The following PCTP variants were observed in gnomAD, a reference collection of about 807,000 sequenced individuals.
PCTP encodes the protein START domain-containing protein 2.
In PCTP, 27 loss-of-function variants were observed where a neutral mutation model predicts 31.0. The observed-to-expected ratio is 0.87, with a 90% confidence interval of 0.64 to 1.20. The LOEUF (loss-of-function observed/expected upper bound fraction) is 1.20. Among genes scored for constraint, PCTP ranks in the 50% most tolerant of loss-of-function variants. The probability of loss-of-function intolerance (pLI) is 0.00; values close to 1 mark genes in which losing one functional copy is unlikely to be tolerated. For synonymous variants in PCTP, 108 were observed against 101.2 expected (o/e 1.07, Z -0.40); for missense variants, 287 against 268.2 (o/e 1.07, Z -0.49).
Position 55,774,850 on chromosome 17 carries a change from G to T in PCTP, c.570G>T (p.Trp190Cys). ...AAATTCCGTCCTGGCTCATTAACTGGGCCGCCAAGGTGAGATCCCAGGAGG... is the reference window on the plus strand; with the variant it reads ...AAATTCCGTCCTGGCTCATTAACTGTGCCGCCAAGGTGAGATCCCAGGAGG... ...GGQIPSWLIN[W>C]AAKNGVPNFL... Residue 190 changes from tryptophan (W) to cysteine (C), a missense_variant, in exon 5 of 6, where the codon TGG (tryptophan) becomes TGT (cysteine). Transcript: ENST00000268896. The T allele has an allele frequency of 7.3e-7, 1 of 1,362,774 alleles. No individual in the cohort carries two copies. The highest frequency in any genetic ancestry group is 1.5e-5 in the African/African-American group (1 of 66,488). 84.4% of individuals were successfully genotyped at this position (1,362,774 alleles called of 1,614,324 possible).
chr17:55,777,494 T>G, downstream of PCTP: 1 of 793,502 alleles, frequency 1.3e-6, no homozygotes, highest in South Asian at 5.7e-5. Flanking sequence ...AAAACATAAT[T>G]TTGGGCTTAC....
At chr17:55,751,275 G>A (rs1427884523) in intron 1 of PCTP, 31 bp downstream of exon 1, 7 of 1,526,104 alleles carry the variant, frequency 4.6e-6, no homozygotes. Context: ...GGACCGCGGG[G>A]CCTAGAATGC....
chr17:55,817,917 A>G (rs1912981624), intron 3 of PCTP, among the ~76,000 whole-genome samples: 1 of 152,220 alleles, frequency 6.6e-6, no homozygotes, highest in African/African-American at 2.4e-5. Flanking sequence ...CCTAGGGGTT[A>G]CAGAGGAAAA....
At chr17:55,751,322 C>T in intron 1 of PCTP, 78 bp downstream of exon 1, 1 of 1,514,450 alleles carries the variant, frequency 6.6e-7, no homozygotes, top group East Asian at 2.5e-5. Flanking sequence ...TGCGGGGCGG[C>T]AGTCGCGGAA....
At chr17:55,818,262 A>G (rs12944648) in intron 3 of PCTP, among the ~76,000 whole-genome samples, 21,316 of 152,184 alleles carry the variant, frequency 0.14, 1,566 homozygotes, top group Middle Eastern at 0.19. Context: ...TTTTTGAAAG[A>G]TGAGGTCAGA....
downstream of PCTP, among the ~76,000 whole-genome samples, chr17:55,781,872 C>A (rs549142550): frequency 2.6e-4 from 39 of 152,208 alleles, no homozygotes; most frequent in Non-Finnish European, 5.0e-4. Context: ...AATCACCTGA[C>A]ACATTTCTCA....
intron 3 of PCTP, among the ~76,000 whole-genome samples, chr17:55,822,552 T>C (rs1913149369): frequency 6.6e-6 from 1 of 152,128 alleles, no homozygotes; most frequent in Admixed American, 6.5e-5. Context: ...TCTTGCAGGG[T>C]TTTTGAGAAA....
intron 3 of PCTP, among the ~76,000 whole-genome samples, chr17:55,802,256 G>A (rs1381580264): frequency 6.6e-6 from 1 of 152,160 alleles, no homozygotes; most frequent in East Asian, 1.9e-4. Flanking sequence ...CTCAGGACCA[G>A]ATGGATTAAC....
At chr17:55,751,431 C>T (rs570652871) in intron 1 of PCTP, 187 bp downstream of exon 1, 281 of 1,533,936 alleles carry the variant, frequency 1.8e-4, no homozygotes, top group Non-Finnish European at 2.3e-4. Flanking sequence ...CAAGTGACTG[C>T]CGTGCAGATC....
chr17:55,751,391 G>A (rs1320844393), intron 1 of PCTP, 147 bp downstream of exon 1: 2 of 1,534,176 alleles, frequency 1.3e-6, no homozygotes, highest in African/African-American at 1.4e-5. Flanking sequence ...CCTGTCTCAA[G>A]CTCTGGAGCT....
intron 1 of PCTP, among the ~76,000 whole-genome samples, chr17:55,756,896 G>A (rs942267053): frequency 6.6e-6 from 1 of 152,176 alleles, no homozygotes; most frequent in Non-Finnish European, 1.5e-5. Flanking sequence ...CACAGGACTG[G>A]AGTGGATATG....
downstream of PCTP, among the ~76,000 whole-genome samples, chr17:55,823,948 G>C (rs1905312660): frequency 6.6e-6 from 1 of 152,134 alleles, no homozygotes; most frequent in African/African-American, 2.4e-5. Context: ...TAGGTCTACT[G>C]TCTAGACTTG....
chr17:55,785,587 A>ACAAAC (rs796245840), intron 2 of PCTP, among the ~76,000 whole-genome samples: 30 of 152,360 alleles, frequency 2.0e-4, no homozygotes, highest in African/African-American at 6.3e-4. Context: ...TCTCTCTAAA[A>ACAAAC]CAAACCAAAC....
intron 2 of PCTP, among the ~76,000 whole-genome samples, chr17:55,783,598 G>T (rs987386257): frequency 2.5e-4 from 38 of 152,298 alleles, no homozygotes; most frequent in African/African-American, 8.9e-4. Flanking sequence ...TGAGGGGCTG[G>T]ATCTGCTTTT....
intron 5 of PCTP, among the ~76,000 whole-genome samples, chr17:55,842,435 T>G (rs11079196): frequency 0.16 from 23,707 of 152,190 alleles, 2,314 homozygotes; most frequent in East Asian, 0.35. Context: ...TTATATCAGT[T>G]CTTGAATGGG....
At chr17:55,819,214 G>A (rs933930289) in intron 3 of PCTP, among the ~76,000 whole-genome samples, 1 of 152,038 alleles carries the variant, frequency 6.6e-6, no homozygotes. Flanking sequence ...AATTGTGAAA[G>A]GCTAAAAGCT....
chr17:55,776,330 C>G lies in PCTP; in HGVS notation c.*230C>G. 1 of 1,359,764 alleles carries G rather than the reference C, an allele frequency of 7.4e-7. No individual in the cohort carries two copies. The highest frequency in any genetic ancestry group is 1.5e-5 in the African/African-American group (1 of 67,946). 84.2% of individuals were successfully genotyped at this position (1,359,764 alleles called of 1,614,324 possible). ...GCTCACTCGTCTGCTTCCTTTCTCGCTCCCCCCATCCTGGGCTGGGCTGCC... is the reference window on the plus strand; with the variant it reads ...GCTCACTCGTCTGCTTCCTTTCTCGGTCCCCCCATCCTGGGCTGGGCTGCC... On this transcript the variant is annotated 3_prime_UTR_variant, in exon 6 of 6. Transcript: ENST00000268896.
chr17:55,798,390 A>G (rs1290681688), intron 3 of PCTP, among the ~76,000 whole-genome samples: 1 of 152,034 alleles, frequency 6.6e-6, no homozygotes, highest in Non-Finnish European at 1.5e-5. Context: ...AAACAAACAA[A>G]CAAAAATCCT....
the PCTP span, among the ~76,000 whole-genome samples, chr17:55,849,264 G>A: frequency 6.6e-6 from 1 of 152,110 alleles, no homozygotes; most frequent in African/African-American, 2.4e-5. Context: ...ATACATATTA[G>A]ATGGCTGAAA....
Sources: allele counts gnomAD v4.1 joint callset (sites outside exome capture counted in the v4.1 genomes callset), GRCh38; gene constraint gnomAD v4.1.1; transcripts MANE v1.5; gene names NCBI Gene and HGNC (gene_info 2026-07-23, HGNC 2026-07-21).